Variants in SEMA6D observed in about 807,000 individuals in gnomAD.
The protein encoded by SEMA6D is semaphorin-6D.
A neutral mutation model predicts 106.6 loss-of-function variants in SEMA6D; 35 were observed. The ratio of observed to expected loss-of-function variants is 0.33; its 90% CI spans 0.25 to 0.44. SEMA6D has a LOEUF of 0.44. Among genes scored for constraint, SEMA6D ranks in the 20% least tolerant of loss-of-function variants. The pLI is 1.00. For missense variants in SEMA6D, 1,185 were observed against 1,345.9 expected (o/e 0.88, Z 1.87); for synonymous variants, 499 against 487.7 (o/e 1.02, Z -0.31).
chr15:47,501,265 A>C (rs758383900), intron 3 of SEMA6D, among the ~76,000 whole-genome samples: 1 of 152,106 alleles, frequency 6.6e-6, no homozygotes, highest in Non-Finnish European at 1.5e-5. Context: ...CAGAGGTGGA[A>C]TTTTCCCTTC....
intron 1 of SEMA6D, among the ~76,000 whole-genome samples, chr15:47,351,735 G>A (rs1450545712): frequency 2.0e-5 from 3 of 152,102 alleles, no homozygotes; most frequent in African/African-American, 7.2e-5. Flanking sequence ...GAGTCTTCCT[G>A]GTGTTCTAAC....
chr15:47,540,809 G>A (rs967315387), intron 3 of SEMA6D, among the ~76,000 whole-genome samples: 1 of 152,268 alleles, frequency 6.6e-6, no homozygotes, highest in East Asian at 1.9e-4. Flanking sequence ...GAACTGAAAG[G>A]AAAAATAGAG....
Position 47,717,617 on chromosome 15 carries a change from T to C in SEMA6D, c.-130T>C, listed in dbSNP as rs568102435. 1 of 152,238 alleles carries C rather than the reference T, an allele frequency of 6.6e-6. No homozygotes were observed. The highest frequency in any genetic ancestry group is 2.4e-5 in the African/African-American group (1 of 41,534). 9.4% of individuals were successfully genotyped at this position (152,238 alleles called of 1,614,324 possible). ...TATCTATTTTTACAATATTTTTCTTTATTTTCTTTCTTCCTTGCGCGTGGC... is the reference window on the plus strand; with the variant it reads ...TATCTATTTTTACAATATTTTTCTTCATTTTCTTTCTTCCTTGCGCGTGGC... On this transcript the variant is annotated 5_prime_UTR_variant, in exon 1 of 19. Transcript: ENST00000536845.
intron 1 of SEMA6D, among the ~76,000 whole-genome samples, chr15:47,754,976 G>C (rs2081632796): frequency 6.8e-6 from 1 of 146,276 alleles, no homozygotes; most frequent in Non-Finnish European, 1.5e-5. Context: ...TTTTGAGATG[G>C]AGTCTCGCTT....
intron 1 of SEMA6D, among the ~76,000 whole-genome samples, chr15:47,354,110 A>G (rs573002425): frequency 8.3e-4 from 126 of 151,122 alleles, no homozygotes; most frequent in African/African-American, 2.9e-3. Context: ...ATACATATAT[A>G]TATGGAATGA....
intron 1 of SEMA6D, among the ~76,000 whole-genome samples, chr15:47,246,674 C>T (rs1476514411): frequency 2.0e-5 from 3 of 152,158 alleles, no homozygotes; most frequent in East Asian, 1.9e-4. Context: ...AGCTGGGAGA[C>T]GTTCTCTACT....
intron 3 of SEMA6D, among the ~76,000 whole-genome samples, chr15:47,488,306 C>T (rs2043357348): frequency 6.6e-6 from 1 of 151,904 alleles, no homozygotes; most frequent in South Asian, 2.1e-4. Context: ...TTCTGGTGTC[C>T]TTTTTATCTG....
At chr15:47,215,710 C>T (rs7168669) in intron 1 of SEMA6D, among the ~76,000 whole-genome samples, 64,185 of 151,894 alleles carry the variant, frequency 0.42, 14,583 homozygotes, top group African/African-American at 0.57. Flanking sequence ...TAATTAGCTA[C>T]GGCTTCTACT....
intron 3 of SEMA6D, among the ~76,000 whole-genome samples, chr15:47,595,322 A>T (rs1251318878): frequency 6.6e-6 from 1 of 152,172 alleles, no homozygotes; most frequent in African/African-American, 2.4e-5. Context: ...TCTGCATCTA[A>T]TGAGATTAGC....
At chr15:47,402,398 G>C (rs1398750330) in intron 1 of SEMA6D, among the ~76,000 whole-genome samples, 1 of 152,166 alleles carries the variant, frequency 6.6e-6, no homozygotes, top group Non-Finnish European at 1.5e-5. Context: ...TAATGAGACA[G>C]CAATGATCTT....
intron 4 of SEMA6D, among the ~76,000 whole-genome samples, chr15:47,696,450 T>A (rs2078700587): frequency 1.3e-5 from 2 of 152,172 alleles, no homozygotes; most frequent in Non-Finnish European, 2.9e-5. Context: ...CAGCAGTTAT[T>A]TTTAGAAATA....
At chr15:47,242,648 C>G (rs879478753) in intron 1 of SEMA6D, among the ~76,000 whole-genome samples, 1 of 152,146 alleles carries the variant, frequency 6.6e-6, no homozygotes. Flanking sequence ...ACAGTTTGCT[C>G]AGGGGGTTGA....
chr15:47,773,654 A>G lies in SEMA6D; in HGVS notation c.*1869A>G, dbSNP rs1445102295. The G allele has an allele frequency of 6.6e-6, 1 of 152,518 alleles. No individual in the cohort carries two copies. Among genetic ancestry groups the G allele is most frequent in the African/African-American group, 2.4e-5 (1 of 41,438 alleles). 9.4% of individuals were successfully genotyped at this position (152,518 alleles called of 1,614,324 possible). On this transcript the variant is annotated 3_prime_UTR_variant, in exon 19 of 19. Coordinates refer to ENST00000536845, the MANE Select transcript of SEMA6D (RefSeq NM_001358351.3). ...TACTGATACAGTTATTCTTTTTTTT[A>G]AAGAACATTGTTTTATAAAGAACGT... is the stretch of plus-strand genomic sequence containing the variant.
chr15:47,566,807 C>G (rs1163061543), intron 3 of SEMA6D, among the ~76,000 whole-genome samples: 1 of 152,196 alleles, frequency 6.6e-6, no homozygotes, highest in Non-Finnish European at 1.5e-5. Context: ...CAGTGTCTGT[C>G]ACGTGATAGT....
At chr15:47,513,573 G>A (rs1422859988) in intron 3 of SEMA6D, among the ~76,000 whole-genome samples, 1 of 152,094 alleles carries the variant, frequency 6.6e-6, no homozygotes, top group Non-Finnish European at 1.5e-5. Flanking sequence ...CTATTAACAG[G>A]GTAGCAGTTA....
At chr15:47,269,787 A>G (rs2034475905) in intron 1 of SEMA6D, among the ~76,000 whole-genome samples, 1 of 152,250 alleles carries the variant, frequency 6.6e-6, no homozygotes, top group Non-Finnish European at 1.5e-5. Context: ...GCATGTTATA[A>G]TATCAGCAGA....
At chr15:47,718,149 C>T (rs966829042) in intron 1 of SEMA6D, among the ~76,000 whole-genome samples, 1 of 152,196 alleles carries the variant, frequency 6.6e-6, no homozygotes, top group African/African-American at 2.4e-5. Flanking sequence ...GCTTCTCTGC[C>T]GGGCACAGCG....
At chr15:47,457,773 T>C (rs556057098) in intron 2 of SEMA6D, among the ~76,000 whole-genome samples, 1 of 151,606 alleles carries the variant, frequency 6.6e-6, no homozygotes, top group East Asian at 2.0e-4. Context: ...TGATGAAAAA[T>C]ATAGACCCAA....
intron 1 of SEMA6D, among the ~76,000 whole-genome samples, chr15:47,318,370 A>C: frequency 4.0e-5 from 5 of 124,334 alleles, no homozygotes; most frequent in African/African-American, 5.8e-5. Context: ...GTACCCACTA[A>C]CTCGTCATCT....
Sources: gnomAD v4.1 joint callset for allele counts (sites outside exome capture counted in the v4.1 genomes callset) on GRCh38, gnomAD v4.1.1 for gene constraint, MANE v1.5 for transcripts, NCBI Gene and HGNC (gene_info 2026-07-23, HGNC 2026-07-21) for gene names.